GRIK2: variants seen among roughly 807,000 people sequenced by gnomAD.
GRIK2 encodes the protein glutamate receptor ionotropic, kainate 2.
In GRIK2, 32 loss-of-function variants were observed where a neutral mutation model predicts 100.3. The ratio of observed to expected loss-of-function variants is 0.32; its 90% CI spans 0.24 to 0.43. The LOEUF is 0.43. Among genes scored for constraint, GRIK2 ranks in the 20% least tolerant of loss-of-function variants. GRIK2 has a pLI of 1.00. For missense variants in GRIK2, 843 were observed against 1,114.9 expected, an observed-to-expected ratio of 0.76 and a Z score of 3.47; for synonymous variants, 417 against 389.4, an observed-to-expected ratio of 1.07 and a Z score of -0.83.
intron 12 of GRIK2, 191 bp downstream of exon 12, chr6:101,890,054 T>C: frequency 6.9e-6 from 4 of 578,310 alleles, no homozygotes; most frequent in Non-Finnish European, 1.2e-5. Flanking sequence ...GCAGAGAGCA[T>C]GCTGGTTGTG....
In GRIK2 at chr6:101,864,061, CG is replaced by C. The variant is rs1207976469; in HGVS notation, c.1524+4571del. Among the ~76,000 whole-genome samples the C allele has an allele frequency of 3.2e-3, 479 of 148,526 alleles. 2 individuals are homozygous for C. The highest frequency in any genetic ancestry group is 0.011 in the African/African-American group (425 of 40,150). On this transcript the variant is annotated intron_variant, in intron 11 of 16. Coordinates refer to ENST00000369134, the MANE Select transcript of GRIK2 (RefSeq NM_021956.5). ...CTGAGGCAGGAGAATGGCGTGAACC[CG>C]GGAAGCGGAGCTTGCAGTGAGCCGA...
At chr6:101,438,652 A>G (rs1457868822) in intron 2 of GRIK2, among the ~76,000 whole-genome samples, 1 of 152,194 alleles carries the variant, frequency 6.6e-6, no homozygotes, top group Non-Finnish European at 1.5e-5. Context: ...ATTTGTGATT[A>G]ATAAATGCGT....
chr6:101,805,676 A>G (rs1032223312), intron 9 of GRIK2, among the ~76,000 whole-genome samples: 8 of 152,056 alleles, frequency 5.3e-5, no homozygotes, highest in Non-Finnish European at 8.8e-5. Flanking sequence ...AAACCTGCCA[A>G]TAATAAATAG....
At chr6:101,647,854 C>T (rs1159862452) in intron 4 of GRIK2, among the ~76,000 whole-genome samples, 1 of 151,990 alleles carries the variant, frequency 6.6e-6, no homozygotes, top group African/African-American at 2.4e-5. Context: ...CATTACATAT[C>T]ACTGTGATGT....
intron 4 of GRIK2, among the ~76,000 whole-genome samples, chr6:101,627,115 CTCTG>C (rs1022919191): frequency 4.9e-5 from 6 of 122,480 alleles, no homozygotes; most frequent in African/African-American, 1.4e-4. Flanking sequence ...GTGTGTGTGT[CTCTG>C]TGTGTGTGTG....
At chr6:101,740,134 C>G (rs903011095) in intron 7 of GRIK2, among the ~76,000 whole-genome samples, 1 of 152,164 alleles carries the variant, frequency 6.6e-6, no homozygotes, top group Non-Finnish European at 1.5e-5. Context: ...TTCCCAGCAG[C>G]TTTTTGGCAG....
At chr6:101,632,916 C>T (rs768453572) in intron 4 of GRIK2, among the ~76,000 whole-genome samples, 7 of 151,902 alleles carry the variant, frequency 4.6e-5, no homozygotes, top group South Asian at 2.1e-4. Context: ...GAGAAAGTGA[C>T]GTTATAAAAT....
At chr6:101,984,489 A>T (rs1257478863) in intron 14 of GRIK2, among the ~76,000 whole-genome samples, 1 of 151,660 alleles carries the variant, frequency 6.6e-6, no homozygotes, top group African/African-American at 2.4e-5. Context: ...ACACAACTGA[A>T]CATCTAAGAT....
chr6:101,564,374 G>A (rs1777155886), intron 2 of GRIK2, among the ~76,000 whole-genome samples: 1 of 152,082 alleles, frequency 6.6e-6, no homozygotes, highest in African/African-American at 2.4e-5. Flanking sequence ...ATTAAGATCA[G>A]GTCACAGACA....
At chr6:101,773,968 T>C (rs183215923) in intron 7 of GRIK2, among the ~76,000 whole-genome samples, 7 of 152,272 alleles carry the variant, frequency 4.6e-5, no homozygotes, top group Admixed American at 2.0e-4. Flanking sequence ...ACATAAAAAG[T>C]CATAAAAGAT....
intron 2 of GRIK2, among the ~76,000 whole-genome samples, chr6:101,562,702 T>C (rs1261584638): frequency 6.6e-6 from 1 of 152,104 alleles, no homozygotes; most frequent in Non-Finnish European, 1.5e-5. Flanking sequence ...ATAATTCCCA[T>C]TATATCTATC....
chr6:101,858,772 C>G (rs1035479603), intron 10 of GRIK2, among the ~76,000 whole-genome samples: 12 of 151,660 alleles, frequency 7.9e-5, no homozygotes, highest in African/African-American at 2.9e-4. Context: ...GTTGTTGGGA[C>G]AAAATGTGAT....
At chr6:101,865,134 A>T (rs1180079506) in intron 11 of GRIK2, among the ~76,000 whole-genome samples, 2 of 152,202 alleles carry the variant, frequency 1.3e-5, no homozygotes, top group Non-Finnish European at 2.9e-5. Context: ...TTCTTAAAAA[A>T]CCGGAATGAG....
chr6:101,788,872 GT>G (rs1247573963), intron 7 of GRIK2, among the ~76,000 whole-genome samples: 2 of 152,062 alleles, frequency 1.3e-5, no homozygotes, highest in Non-Finnish European at 2.9e-5. Context: ...TCCAGCACCT[GT>G]TGTTTCCTGA....
At chr6:101,577,779 AATATAAGTTAACACAATGT>A (rs1301432011) in intron 2 of GRIK2, among the ~76,000 whole-genome samples, 1 of 152,176 alleles carries the variant, frequency 6.6e-6, no homozygotes, top group Non-Finnish European at 1.5e-5. Context: ...ATCTTAGGAA[AATATAAGTTAACACAATGT>A]ATATTCATTT....
chr6:101,787,133 T>A (rs1033307873), intron 7 of GRIK2, among the ~76,000 whole-genome samples: 1 of 131,016 alleles, frequency 7.6e-6, no homozygotes, highest in African/African-American at 3.1e-5. Flanking sequence ...TCTTTTAGGA[T>A]TTTTTTGTAT....
intron 10 of GRIK2, among the ~76,000 whole-genome samples, chr6:101,856,601 T>C (rs1441571070): frequency 2.0e-5 from 3 of 152,154 alleles, no homozygotes. Flanking sequence ...TGAGGAATTA[T>C]AATAATGGAC....
chr6:101,595,242 CAGA>C (rs897963526), intron 2 of GRIK2, among the ~76,000 whole-genome samples: 7 of 151,538 alleles, frequency 4.6e-5, no homozygotes, highest in African/African-American at 1.7e-4. Context: ...GAGAGACAGA[CAGA>C]AGGAGGGGAG....
rs182578003 is a variant in GRIK2, at chr6:101,542,862, G to A, written c.116-79087G>A. Among the ~76,000 whole-genome samples the A allele has an allele frequency of 1.4e-3, 213 of 152,074 alleles. 1 individual carries two copies. Among genetic ancestry groups the A allele is most frequent in the African/African-American group, 4.6e-3 (191 of 41,518 alleles). On this transcript the variant is annotated intron_variant, in intron 2 of 16. Transcript: ENST00000369134. ...ATTATGCCCTTTTTTTGTTTTGAAT[G>A]TCATCAAAGGCTATTTAAAGATTGT...
Sources: allele counts gnomAD v4.1 joint callset (sites outside exome capture counted in the v4.1 genomes callset), GRCh38; gene constraint gnomAD v4.1.1; transcripts MANE v1.5; gene names NCBI Gene and HGNC (gene_info 2026-07-23, HGNC 2026-07-21).